CTNNA3: variants seen among roughly 807,000 people sequenced by gnomAD.
CTNNA3 encodes catenin alpha-3.
Under a neutral mutation model 95.7 loss-of-function variants are expected in CTNNA3, and 76 were observed. The ratio of observed to expected loss-of-function variants is 0.79; its 90% CI spans 0.66 to 0.96. CTNNA3 has a LOEUF of 0.96. Ranked by LOEUF, CTNNA3 falls within the 40% of genes least tolerant of loss-of-function variation. The pLI is 0.00. For missense variants in CTNNA3, 1,191 were observed against 1,089.8 expected (o/e 1.09, Z -1.31); for synonymous variants, 431 against 374.4 (o/e 1.15, Z -1.74).
At chr10:67,663,886 A>G (rs972568397) in intron 1 of CTNNA3, among the ~76,000 whole-genome samples, 1 of 152,216 alleles carries the variant, frequency 6.6e-6, no homozygotes, top group African/African-American at 2.4e-5. Context: ...TACAAGGCCC[A>G]GAGTCCAGAA....
At chr10:67,077,878 CT>C (rs1856816015) in intron 7 of CTNNA3, among the ~76,000 whole-genome samples, 1 of 151,962 alleles carries the variant, frequency 6.6e-6, no homozygotes, top group African/African-American at 2.4e-5. Context: ...AGATAGAAAT[CT>C]TTTTATCTAG....
chr10:67,239,031 T>G (rs1865613759), intron 5 of CTNNA3, among the ~76,000 whole-genome samples: 1 of 152,140 alleles, frequency 6.6e-6, no homozygotes, highest in South Asian at 2.1e-4. Context: ...AAATATACCT[T>G]AATCCAGAGA....
At chr10:66,852,720 T>C (rs1294419851) in intron 7 of CTNNA3, among the ~76,000 whole-genome samples, 1 of 152,182 alleles carries the variant, frequency 6.6e-6, no homozygotes. Flanking sequence ...TTACCAATAC[T>C]TGTAGTAGTA....
At chr10:66,639,914 A>G (rs1273058364) in intron 9 of CTNNA3, among the ~76,000 whole-genome samples, 1 of 152,144 alleles carries the variant, frequency 6.6e-6, no homozygotes, top group Non-Finnish European at 1.5e-5. Flanking sequence ...AAGTTTAAAA[A>G]AAAGACTTGT....
chr10:66,633,537 G>A (rs950751259), intron 9 of CTNNA3, among the ~76,000 whole-genome samples: 16 of 152,046 alleles, frequency 1.1e-4, no homozygotes, highest in Non-Finnish European at 1.2e-4. Context: ...AAAATTAGCC[G>A]GGTGTGGTGG....
intron 9 of CTNNA3, among the ~76,000 whole-genome samples, chr10:66,665,285 T>C (rs563141386): frequency 6.6e-6 from 1 of 152,220 alleles, no homozygotes; most frequent in East Asian, 1.9e-4. Flanking sequence ...TAAGAATTGG[T>C]TCATGGAGGA....
Position 66,749,539 on chromosome 10 carries a change from G to A in CTNNA3, c.1281+16725C>T, listed in dbSNP as rs76634365. Among the ~76,000 whole-genome samples, 388 of 152,202 alleles carry A rather than the reference G, an allele frequency of 2.5e-3. 13 individuals carry two copies. In the East Asian group the frequency reaches 0.055, roughly 22 times the overall value. On this transcript the variant is annotated intron_variant, in intron 9 of 17. Coordinates refer to ENST00000433211, the MANE Select transcript of CTNNA3 (RefSeq NM_013266.4). ...TTCTTCCATGTCTTTTCATGGCTTG[G>A]TAGCTCATTTTTTTGTGTTGAGTAA...
intron 7 of CTNNA3, among the ~76,000 whole-genome samples, chr10:67,179,897 C>T (rs1231143421): frequency 6.6e-6 from 1 of 152,104 alleles, no homozygotes; most frequent in African/African-American, 2.4e-5. Context: ...TCAAACATAG[C>T]TCATGATCCC....
Position 66,310,167 on chromosome 10 carries a change from T to C in CTNNA3, c.1733-29546A>G, listed in dbSNP as rs146044860. Among the ~76,000 whole-genome samples, 3 of 151,994 alleles carry C rather than the reference T, an allele frequency of 2.0e-5. No individual in the cohort carries two copies. In the East Asian group the frequency reaches 5.8e-4, roughly 29 times the overall value. ...AAAATAATATTCTCAATGGCCTTTTTTAGAATAATTTTTACATTTTTTTCT... is the reference window on the plus strand; with the variant it reads ...AAAATAATATTCTCAATGGCCTTTTCTAGAATAATTTTTACATTTTTTTCT... On this transcript the variant is annotated intron_variant, in intron 12 of 17. Transcript: ENST00000433211.
At chr10:66,533,738 C>T (rs1389552389) in intron 10 of CTNNA3, among the ~76,000 whole-genome samples, 1 of 152,080 alleles carries the variant, frequency 6.6e-6, no homozygotes, top group African/African-American at 2.4e-5. Context: ...AAGTCTATCC[C>T]TACAGCGAAC....
At chr10:66,358,752 T>A (rs1298234931) in intron 12 of CTNNA3, among the ~76,000 whole-genome samples, 1 of 152,192 alleles carries the variant, frequency 6.6e-6, no homozygotes, top group Non-Finnish European at 1.5e-5. Flanking sequence ...TCTAATTACA[T>A]CATAATGTAA....
In CTNNA3 at chr10:67,457,960, T is replaced by C. The variant is rs139323711; in HGVS notation, c.579+63882A>G. 9.9e-4 allele frequency among the ~76,000 whole-genome samples: 150 copies of C among 152,242 alleles called. 1 individual carries two copies. Among genetic ancestry groups the C allele is most frequent in the African/African-American group, 3.4e-3 (142 of 41,562 alleles). On this transcript the variant is annotated intron_variant, in intron 5 of 17. Transcript: ENST00000433211. ...TCCGCCATCCTAATTCCCTTTGCCATGTAACACATTTCATATTTATAGTAC... is the reference window on the plus strand; with the variant it reads ...TCCGCCATCCTAATTCCCTTTGCCACGTAACACATTTCATATTTATAGTAC...
chr10:65,957,219 T>C (rs1371157344), intron 17 of CTNNA3, among the ~76,000 whole-genome samples: 1 of 152,156 alleles, frequency 6.6e-6, no homozygotes, highest in Non-Finnish European at 1.5e-5. Flanking sequence ...AACCCCTGCC[T>C]TTTTTTGTTT....
chr10:66,187,220 C>A (rs924777107), intron 13 of CTNNA3, among the ~76,000 whole-genome samples: 4 of 152,144 alleles, frequency 2.6e-5, no homozygotes, highest in Middle Eastern at 3.4e-3. Flanking sequence ...CAGAGCTTAT[C>A]CAGTGCAGAA....
intron 5 of CTNNA3, among the ~76,000 whole-genome samples, chr10:67,511,441 T>A (rs140236550): frequency 0.019 from 2,851 of 152,322 alleles, 93 homozygotes; most frequent in African/African-American, 0.063. Context: ...TTTCTGCATC[T>A]ATTGAGATAA....
chr10:67,262,825 A>AT (rs1336714226), intron 5 of CTNNA3, among the ~76,000 whole-genome samples: 6 of 152,232 alleles, frequency 3.9e-5, no homozygotes, highest in African/African-American at 1.2e-4. Flanking sequence ...AGAATGCAAA[A>AT]TAACACAAAG....
intron 5 of CTNNA3, among the ~76,000 whole-genome samples, chr10:67,507,707 C>A (rs941744058): frequency 6.6e-6 from 1 of 152,136 alleles, no homozygotes; most frequent in Non-Finnish European, 1.5e-5. Flanking sequence ...GGAAGGAATA[C>A]TACAAACTCA....
chr10:67,152,527 C>T (rs1369317152), intron 7 of CTNNA3, among the ~76,000 whole-genome samples: 1 of 152,036 alleles, frequency 6.6e-6, no homozygotes, highest in African/African-American at 2.4e-5. Flanking sequence ...AAGATGGTGA[C>T]TTATGAAATG....
chr10:66,829,869 G>GTTGTTGTTGTTGTTA (rs1842652391), intron 7 of CTNNA3, among the ~76,000 whole-genome samples: 2 of 151,728 alleles, frequency 1.3e-5, no homozygotes, highest in South Asian at 4.2e-4. Flanking sequence ...TGTTGTTGTT[G>GTTGTTGTTGTTGTTA]TTGTTGTTGT....
Sources: gnomAD v4.1 joint callset for allele counts (sites outside exome capture counted in the v4.1 genomes callset) on GRCh38, gnomAD v4.1.1 for gene constraint, MANE v1.5 for transcripts, NCBI Gene and HGNC (gene_info 2026-07-23, HGNC 2026-07-21) for gene names.